The following PLEKHG6 variants were observed in gnomAD, a reference collection of about 807,000 sequenced individuals.
PLEKHG6 encodes pleckstrin homology and RhoGEF domain containing G6.
A neutral mutation model predicts 97.5 loss-of-function variants in PLEKHG6; 91 were observed. The ratio of observed to expected loss-of-function variants is 0.93; its 90% CI spans 0.79 to 1.11. The LOEUF (loss-of-function observed/expected upper bound fraction) is 1.11. PLEKHG6 is among the 50% of genes most tolerant of loss of function. The pLI, the probability that PLEKHG6 is intolerant of heterozygous loss-of-function variation, is 0.00. For synonymous variants in PLEKHG6, 466 were observed against 425.5 expected (o/e 1.10, Z -1.17); for missense variants, 1,044 against 1,031.0 (o/e 1.01, Z -0.17).
At chr12:6,312,618 A>G in intron 2 of PLEKHG6, 1 of 1,292,780 alleles carries the variant, frequency 7.7e-7, no homozygotes, top group Non-Finnish European at 9.8e-7. Flanking sequence ...GTGCTGTTAG[A>G]CAGGTCTCAG....
chr12:6,320,875 G>A lies in PLEKHG6; in HGVS notation c.1524+1767G>A, dbSNP rs548795494. On this transcript the variant is annotated intron_variant, in intron 13 of 15. Coordinates refer to ENST00000684764, the MANE Select transcript of PLEKHG6 (RefSeq NM_001384598.1). ...GGGCTGGATATATTTCTGGAATGAC[G>A]GCCATATCTGCCTAAGTATGGAGCA... Among the ~76,000 whole-genome samples the A allele has an allele frequency of 5.1e-4, 77 of 152,272 alleles. 2 individuals are homozygous for A. The South Asian group carries it at 0.014, about 28-fold the overall frequency.
intron 3 of PLEKHG6, among the ~76,000 whole-genome samples, chr12:6,314,795 CT>C: frequency 6.6e-6 from 1 of 152,294 alleles, no homozygotes. Flanking sequence ...CCAGCAATGC[CT>C]TTTTCCCTGG....
chr12:6,317,531 C>A lies in PLEKHG6; in HGVS notation c.868-16C>A. On this transcript the variant is annotated splice_polypyrimidine_tract_variant and intron_variant, in intron 8 of 15. Transcript: ENST00000684764. Reference sequence around the variant, plus strand: ...AGGAGGGAGCAAACCCTGAGCCCCACCCACCTTCCCTGCAGTGGTGTGAGA... The same window carrying A: ...AGGAGGGAGCAAACCCTGAGCCCCAACCACCTTCCCTGCAGTGGTGTGAGA... 1 of 1,612,776 alleles carries A rather than the reference C, an allele frequency of 6.2e-7. No homozygotes were observed. The highest frequency in any genetic ancestry group is 8.5e-7 in the Non-Finnish European group (1 of 1,179,440).
chr12:6,327,668 C>T lies in PLEKHG6; in HGVS notation c.2085C>T (p.Pro695=). ...LHRARLRGQL[P]SSPTHADSAG... ...GGGCCCGGCTTCGGGGCCAGCTTCC[C>T]TCCTCCCCAACCCATGCTGACTCTG... The change falls in exon 15 of 16, where the codon CCC becomes CCT. Residue 695 remains proline (P), a synonymous_variant. Coordinates refer to ENST00000684764, the MANE Select transcript of PLEKHG6 (RefSeq NM_001384598.1). 6.4e-7 allele frequency: 1 copy of T among 1,562,528 alleles called. No individual in the cohort carries two copies. Among genetic ancestry groups the T allele is most frequent in the Non-Finnish European group, 8.7e-7 (1 of 1,149,376 alleles).
At chr12:6,319,467 T>C (rs779707150) in intron 13 of PLEKHG6, 75 of 1,337,860 alleles carry the variant, frequency 5.6e-5, no homozygotes, top group Non-Finnish European at 6.9e-5. Flanking sequence ...AAAAAAAGAA[T>C]GTAGGAAGGA....
Position 6,318,866 on chromosome 12 carries a change from T to C in PLEKHG6, c.1397T>C (p.Leu466Pro), listed in dbSNP as rs1947591466. 6.2e-7 allele frequency: 1 copy of C among 1,614,230 alleles called. No homozygotes were observed. The highest frequency in any genetic ancestry group is 2.2e-5 in the East Asian group (1 of 44,886). The change falls in exon 12 of 16, where the codon CTG becomes CCG. Residue 466 changes from leucine (L) to proline (P), a missense_variant. Leu to Pro is a moderately conservative substitution (Grantham distance 98, BLOSUM62 -3). Coordinates refer to ENST00000684764, the MANE Select transcript of PLEKHG6 (RefSeq NM_001384598.1). Reference protein sequence around the residue: ...LMLEKLVCQPLRDPNSFLLIH... With the variant: ...LMLEKLVCQPPRDPNSFLLIH... ...CTGGAGAAGCTCGTGTGCCAACCCC[T>C]GCGAGACCCCAGTACGTCCTTCCTT...
intron 1 of PLEKHG6, chr12:6,311,146 A>G (rs1410133830): frequency 6.6e-6 from 1 of 152,132 alleles, no homozygotes; most frequent in East Asian, 1.9e-4. Context: ...GGGCACAAAC[A>G]CCTGCGCAGC....
chr12:6,313,709 A>C lies in PLEKHG6; in HGVS notation c.219A>C (p.Arg73Ser), dbSNP rs1429472816. 1 of 1,613,150 alleles carries C rather than the reference A, an allele frequency of 6.2e-7. No individual in the cohort carries two copies. Among genetic ancestry groups the C allele is most frequent in the Admixed American group, 1.7e-5 (1 of 59,754 alleles). Residue 73 changes from arginine (R) to serine (S), a missense_variant, in exon 3 of 16, where the codon AGA becomes AGC. Physicochemically the swap from Arg to Ser is moderately radical, Grantham distance 110 (BLOSUM62 -1). Coordinates refer to ENST00000684764, the MANE Select transcript of PLEKHG6 (RefSeq NM_001384598.1). ...SGQARGLSPM[R>S]LRDPEPEKRH... is the part of the protein sequence containing the mutation. ...AGGCCCGAGGCCTGTCACCCATGAG[A>C]CTGCGAGATCCAGAGCCCGAGAAGA... is the stretch of plus-strand genomic sequence containing the variant.
At chr12:6,321,229 C>T (rs998667339) in intron 13 of PLEKHG6, among the ~76,000 whole-genome samples, 1 of 152,016 alleles carries the variant, frequency 6.6e-6, no homozygotes, top group Non-Finnish European at 1.5e-5. Context: ...TCCATGTTGT[C>T]CAGGCTGGTC....
rs866139265 is a variant in PLEKHG6, at chr12:6,327,849, G to A, written c.2266G>A (p.Glu756Lys). 3 of 1,506,316 alleles carry A rather than the reference G, an allele frequency of 2.0e-6. No homozygotes were observed. The highest frequency in any genetic ancestry group is 1.4e-5 in the African/African-American group (1 of 71,398). 93.3% of individuals were successfully genotyped at this position (1,506,316 alleles called of 1,614,324 possible). A position where few individuals can be genotyped will look rare whatever the true frequency, so the allele number is the denominator to read the frequency against. ...CAGCCAAAGGATTGAGGGGGCCGAG[G>A]AGCCCCGGGACAGCAGGCCACGGAA... ...LASQRIEGAE[E>K]PRDSRPRKLT... The change falls in exon 15 of 16, where the codon GAG (glutamate) becomes AAG (lysine). Residue 756 changes from glutamate to lysine, a missense_variant. Physicochemically the swap from Glu to Lys is moderately conservative, Grantham distance 56 (BLOSUM62 1). Coordinates refer to ENST00000684764, the MANE Select transcript of PLEKHG6 (RefSeq NM_001384598.1).
At chr12:6,320,857 A>G (rs1565459672) in intron 13 of PLEKHG6, among the ~76,000 whole-genome samples, 1 of 152,108 alleles carries the variant, frequency 6.6e-6, no homozygotes, top group Non-Finnish European at 1.5e-5. Flanking sequence ...GCTGGGCTGG[A>G]TATATTTCTG....
At chr12:6,319,530 G>A in intron 13 of PLEKHG6, 1 of 1,523,002 alleles carries the variant, frequency 6.6e-7, no homozygotes, top group South Asian at 1.2e-5. Context: ...GAGAGGCTGG[G>A]GTGGATTCAG....
At chr12:6,312,923 G>A in intron 2 of PLEKHG6, 10 of 1,398,144 alleles carry the variant, frequency 7.2e-6, no homozygotes, top group Non-Finnish European at 9.3e-6. Flanking sequence ...CCACCTTGAG[G>A]ACAGTTCTGC....
intron 14 of PLEKHG6, 91 bp from the exon 15 acceptor site, chr12:6,327,163 G>C (rs1947887680): frequency 2.6e-6 from 2 of 759,090 alleles, no homozygotes. Flanking sequence ...TAAGTTTGGA[G>C]GAGGGGCCAT....
At position 6,324,791 on chromosome 12, in the gene PLEKHG6, G is replaced by A. The variant is rs535708946; in HGVS notation, c.1525-1637G>A. Among the ~76,000 whole-genome samples the A allele has an allele frequency of 1.2e-4, 19 of 152,264 alleles. 1 individual carries two copies. The South Asian group carries it at 1.9e-3, about 15-fold the overall frequency. ...TCTTGTCCTGACCCAGCTGCTCCCC[G>A]GGTTTCTTGAGAGGCTTTGGGAAAG... On this transcript the variant is annotated intron_variant, in intron 13 of 15. Transcript: ENST00000684764.
rs200110593 is a variant in PLEKHG6, at chr12:6,328,118, C to G, written c.2364-18C>G. On this transcript the variant is annotated intron_variant, in intron 15 of 15. Transcript: ENST00000684764. ...GTTGCCACTGAATGTCGCCTAACAC[C>G]CCCTCCTGTCTTTTCAGAGAGGTAT... 1 of 1,613,912 alleles carries G rather than the reference C, an allele frequency of 6.2e-7. No homozygotes were observed. Among genetic ancestry groups the G allele is most frequent in the Non-Finnish European group, 8.5e-7 (1 of 1,179,914 alleles).
Position 6,316,208 on chromosome 12 carries a change from TG to T in PLEKHG6, c.607-43del. The T allele has an allele frequency of 6.6e-7, 1 of 1,510,812 alleles. No homozygotes were observed. Among genetic ancestry groups the T allele is most frequent in the Non-Finnish European group, 8.9e-7 (1 of 1,123,488 alleles). The allele number at this position is 1,510,812 out of a possible 1,614,324, so 93.6% of individuals were successfully genotyped here. Reference sequence around the variant, plus strand: ...ACCTTTCCTCAGCCAGTGCCACCCCTGGGGACCTTCCAAAAGTGTGCTGCTC... The same window carrying T: ...ACCTTTCCTCAGCCAGTGCCACCCCTGGGACCTTCCAAAAGTGTGCTGCTC... On this transcript the variant is annotated intron_variant, in intron 6 of 15. Coordinates refer to ENST00000684764, the MANE Select transcript of PLEKHG6 (RefSeq NM_001384598.1). The surrounding 1 kb of genome is among the most constrained non-coding windows in gnomAD (Gnocchi z 4.1).
chr12:6,319,560 A>T (rs1324570598), intron 13 of PLEKHG6: 1 of 1,534,400 alleles, frequency 6.5e-7, no homozygotes, highest in East Asian at 2.4e-5. Flanking sequence ...GGACAATCTG[A>T]TGTGCCCCAG....
intron 11 of PLEKHG6, 63 bp from the exon 12 acceptor site, chr12:6,318,682 C>G: frequency 6.4e-7 from 1 of 1,570,372 alleles, no homozygotes; most frequent in Non-Finnish European, 8.7e-7. Context: ...AGCCTCCTCC[C>G]GGACCAGCCC....
Sources: allele counts gnomAD v4.1 joint callset (sites outside exome capture counted in the v4.1 genomes callset), GRCh38; gene constraint gnomAD v4.1.1; non-coding constraint Gnocchi (gnomAD v3.1); transcripts MANE v1.5; gene names NCBI Gene and HGNC (gene_info 2026-07-23, HGNC 2026-07-21).